Variants in FGF10 observed in about 807,000 individuals in gnomAD.
FGF10 encodes the protein FGF-10.
In FGF10, 2 loss-of-function variants were observed where a neutral mutation model predicts 19.8. The ratio of observed to expected loss-of-function variants is 0.10; its 90% confidence interval spans 0.04 to 0.32. The LOEUF (loss-of-function observed/expected upper bound fraction) is 0.32, where lower values mean the gene tolerates loss of function less well. Among genes scored for constraint, FGF10 ranks in the 10% least tolerant of loss-of-function variants. The pLI is 1.00. For synonymous variants in FGF10, 112 were observed against 94.0 expected, an observed-to-expected ratio of 1.19 and a Z score of -1.10; for missense variants, 191 against 246.3, an observed-to-expected ratio of 0.78 and a Z score of 1.50.
chr5:44,329,208 C>T (rs1397614758), intron 1 of FGF10, among the ~76,000 whole-genome samples: 1 of 152,124 alleles, frequency 6.6e-6, no homozygotes, highest in Non-Finnish European at 1.5e-5. Flanking sequence ...CACTCTGTCT[C>T]CCAGGCTGGC....
Position 44,364,719 on chromosome 5 carries a change from C to T in FGF10, c.325+23639G>A, listed in dbSNP as rs150294227. Among the ~76,000 whole-genome samples, 405 of 151,930 alleles carry T rather than the reference C, an allele frequency of 2.7e-3. 1 individual carries two copies. Among genetic ancestry groups the T allele is most frequent in the African/African-American group, 8.1e-3 (335 of 41,488 alleles). On this transcript the variant is annotated intron_variant, in intron 1 of 2. Transcript: ENST00000264664. ...ACCACATATGCTACCTAATTGATGGCGTTATGGTGAAAACTAAATAACATC... is the reference window on the plus strand; with the variant it reads ...ACCACATATGCTACCTAATTGATGGTGTTATGGTGAAAACTAAATAACATC...
At chr5:44,388,065 C>T (rs925640322) in intron 1 of FGF10, among the ~76,000 whole-genome samples, 1 of 150,750 alleles carries the variant, frequency 6.6e-6, no homozygotes, top group African/African-American at 2.4e-5. Flanking sequence ...TGCACTGCAA[C>T]AACTCTCTTG....
rs367671606 is a variant in FGF10 at position 44,386,465 on chromosome 5, T to C, written c.325+1893A>G. 2.6e-5 allele frequency among the ~76,000 whole-genome samples: 4 copies of C among 152,214 alleles called. No homozygotes were observed. In the East Asian group the frequency reaches 7.7e-4, roughly 29 times the overall value. On this transcript the variant is annotated intron_variant, in intron 1 of 2. Coordinates refer to ENST00000264664, the MANE Select transcript of FGF10 (RefSeq NM_004465.2). ...GTTGTTGTTAATTCCCAGCTCACTCTGTCCAGCCCAATGTTTGGATAGCTT... is the reference window on the plus strand; with the variant it reads ...GTTGTTGTTAATTCCCAGCTCACTCCGTCCAGCCCAATGTTTGGATAGCTT...
chr5:44,380,807 C>A (rs1421527534), intron 1 of FGF10, among the ~76,000 whole-genome samples: 2 of 152,108 alleles, frequency 1.3e-5, no homozygotes, highest in Non-Finnish European at 2.9e-5. Context: ...ATAGTGAGAC[C>A]CTGTCTCTAC....
chr5:44,320,042 G>C (rs193198110), intron 1 of FGF10, among the ~76,000 whole-genome samples: 2 of 152,114 alleles, frequency 1.3e-5, no homozygotes, highest in Admixed American at 6.6e-5. Flanking sequence ...ATAGGAGCTC[G>C]AACACTATTG....
chr5:44,333,536 T>G (rs541526784), intron 1 of FGF10, among the ~76,000 whole-genome samples: 7 of 152,308 alleles, frequency 4.6e-5, no homozygotes, highest in African/African-American at 1.7e-4. Context: ...GACCCTATGC[T>G]AAGCAAACAT....
In FGF10 at chr5:44,387,936, T is replaced by A. The variant is rs1415166606; in HGVS notation, c.325+422A>T. Among the ~76,000 whole-genome samples the A allele has an allele frequency of 2.0e-5, 3 of 152,198 alleles. No homozygotes were observed. In the East Asian group the frequency reaches 5.8e-4, roughly 29 times the overall value. ...GCTTGAGGAGCCTGTCCCAAAACTC[T>A]TAACAAGATTGCCAGGGAAAAGAAA... On this transcript the variant is annotated intron_variant, in intron 1 of 2. Coordinates refer to ENST00000264664, the MANE Select transcript of FGF10 (RefSeq NM_004465.2).
intron 1 of FGF10, among the ~76,000 whole-genome samples, chr5:44,341,335 A>G (rs907157753): frequency 1.3e-5 from 2 of 151,924 alleles, no homozygotes; most frequent in Non-Finnish European, 2.9e-5. Flanking sequence ...CTTAGGAGCA[A>G]GAATGTAAAA....
At chr5:44,349,451 T>TATATCAGA (rs1554038148) in intron 1 of FGF10, among the ~76,000 whole-genome samples, 185 of 16,706 alleles carry the variant, frequency 0.011, 12 homozygotes, top group Middle Eastern at 0.036. Flanking sequence ...TATATATATA[T>TATATCAGA]ATATATATAT....
chr5:44,347,095 A>G (rs2111807755), intron 1 of FGF10, among the ~76,000 whole-genome samples: 1 of 151,914 alleles, frequency 6.6e-6, no homozygotes. Flanking sequence ...AGGAAGGCCA[A>G]GAACATAGTA....
chr5:44,319,248 G>A (rs78877242), intron 1 of FGF10, among the ~76,000 whole-genome samples: 2,052 of 152,288 alleles, frequency 0.013, 72 homozygotes, highest in Admixed American at 0.075. Flanking sequence ...TAAAGGGTTA[G>A]AGGAGTTACT....
chr5:44,353,302 G>C (rs1741276150), intron 1 of FGF10, among the ~76,000 whole-genome samples: 2 of 151,608 alleles, frequency 1.3e-5, no homozygotes, highest in South Asian at 4.1e-4. Context: ...TTCATGCTTT[G>C]CTTGCTGTGC....
At chr5:44,322,513 T>C (rs1740519219) in intron 1 of FGF10, among the ~76,000 whole-genome samples, 1 of 152,186 alleles carries the variant, frequency 6.6e-6, no homozygotes, top group Admixed American at 6.6e-5. Flanking sequence ...CCATGACCCA[T>C]TTATGAATAA....
intron 2 of FGF10, 29 bp from the exon 3 acceptor site, chr5:44,305,221 C>A: frequency 6.3e-7 from 1 of 1,593,052 alleles, no homozygotes; most frequent in Non-Finnish European, 8.6e-7. Flanking sequence ...ATCTTTTATT[C>A]CTATGGTGAT....
chr5:44,368,673 G>T (rs1384448), intron 1 of FGF10, among the ~76,000 whole-genome samples: 17,939 of 151,758 alleles, frequency 0.12, 2,583 homozygotes, highest in African/African-American at 0.34. Flanking sequence ...CAATTTTTTT[G>T]TTGTTTTGTT....
intron 1 of FGF10, among the ~76,000 whole-genome samples, chr5:44,318,565 A>G (rs1740409405): frequency 1.3e-5 from 2 of 152,156 alleles, no homozygotes; most frequent in Non-Finnish European, 2.9e-5. Flanking sequence ...GAGCATTGGA[A>G]GGACAGAAAG....
At chr5:44,314,769 G>C (rs1740297197) in intron 1 of FGF10, among the ~76,000 whole-genome samples, 1 of 152,042 alleles carries the variant, frequency 6.6e-6, no homozygotes, top group South Asian at 2.1e-4. Flanking sequence ...CTGACCTATT[G>C]TCCCCCTAGC....
At chr5:44,380,768 C>T (rs1425835743) in intron 1 of FGF10, among the ~76,000 whole-genome samples, 2 of 152,128 alleles carry the variant, frequency 1.3e-5, no homozygotes, top group Admixed American at 1.3e-4. Context: ...ATTGCTTGAG[C>T]CCAGGAATTT....
chr5:44,329,248 A>G (rs1242648872), intron 1 of FGF10, among the ~76,000 whole-genome samples: 1 of 152,076 alleles, frequency 6.6e-6, no homozygotes, highest in African/African-American at 2.4e-5. Context: ...GCAATCTCAG[A>G]TCACTGCAAC....
Sources: gnomAD v4.1 joint callset for allele counts (sites outside exome capture counted in the v4.1 genomes callset) on GRCh38, gnomAD v4.1.1 for gene constraint, MANE v1.5 for transcripts, NCBI Gene and HGNC (gene_info 2026-07-23, HGNC 2026-07-21) for gene names.